The following CSMD1 variants were observed in gnomAD, a reference collection of about 807,000 sequenced individuals.
CSMD1 encodes the protein CUB and Sushi multiple domains 1.
In CSMD1, 213 loss-of-function variants were observed where a neutral mutation model predicts 417.5. The observed-to-expected ratio is 0.51, with a 90% CI of 0.46 to 0.57. The LOEUF is 0.57. Ranked by LOEUF, CSMD1 falls within the 20% of genes least tolerant of loss-of-function variation. The pLI, the probability that CSMD1 is intolerant of heterozygous loss-of-function variation, is 0.00. For missense variants in CSMD1, 6,923 were observed against 4,529.7 expected (o/e 1.53, Z -15.17); for synonymous variants, 2,862 against 1,736.8 (o/e 1.65, Z -16.11).
chr8:3,658,397 C>T (rs942537276), intron 7 of CSMD1, among the ~76,000 whole-genome samples: 1 of 150,256 alleles, frequency 6.7e-6, no homozygotes, highest in South Asian at 2.1e-4. Flanking sequence ...TCATCCCAAT[C>T]TTAAAAGTAA....
At chr8:4,663,344 G>T (rs865821759) in intron 1 of CSMD1, among the ~76,000 whole-genome samples, 2 of 152,128 alleles carry the variant, frequency 1.3e-5, no homozygotes, top group Non-Finnish European at 2.9e-5. Flanking sequence ...GCAAAACTAC[G>T]TAGAATCTAC....
chr8:4,163,325 G>A (rs563006919), intron 3 of CSMD1, among the ~76,000 whole-genome samples: 1 of 152,218 alleles, frequency 6.6e-6, no homozygotes, highest in South Asian at 2.1e-4. Context: ...CTTCCAAAGT[G>A]GCTGTTCCAT....
In CSMD1 at chr8:3,618,977, G is replaced by C. The variant is rs73660393; in HGVS notation, c.1010-2180C>G. Among the ~76,000 whole-genome samples the C allele has an allele frequency of 4.0e-3, 612 of 152,224 alleles. 3 individuals carry two copies. The highest frequency in any genetic ancestry group is 0.014 in the African/African-American group (590 of 41,536). On this transcript the variant is annotated intron_variant, in intron 7 of 69. Transcript: ENST00000635120. Reference sequence around the variant, plus strand: ...CCTGACTTGCAGGTCAGATGAGGAAGGGCGGCATAATTGGGATCTCTGGCT... The same window carrying C: ...CCTGACTTGCAGGTCAGATGAGGAACGGCGGCATAATTGGGATCTCTGGCT...
At chr8:3,479,569 C>T (rs1252842900) in intron 11 of CSMD1, among the ~76,000 whole-genome samples, 11 of 152,188 alleles carry the variant, frequency 7.2e-5, no homozygotes, top group South Asian at 2.1e-4. Flanking sequence ...TGTGAGCCAC[C>T]GCGCCCAGCC....
chr8:3,744,378 G>A lies in CSMD1; in HGVS notation c.931+9552C>T, dbSNP rs116051823. 6.6e-3 allele frequency among the ~76,000 whole-genome samples: 999 copies of A among 152,256 alleles called. 10 individuals are homozygous for A. Among genetic ancestry groups the A allele is most frequent in the Middle Eastern group, 0.034 (10 of 294 alleles). On this transcript the variant is annotated intron_variant, in intron 6 of 69. Transcript: ENST00000635120. The stretch of plus-strand genomic sequence containing the variant: ...TACTAAACAGGGCACAGCAGGACCA[G>A]ATTTGGAACCCAGGTTAATGAATTA...
intron 5 of CSMD1, among the ~76,000 whole-genome samples, chr8:3,951,571 T>C (rs932864370): frequency 2.0e-5 from 3 of 152,026 alleles, no homozygotes; most frequent in African/African-American, 4.8e-5. Context: ...GCCAAAGATA[T>C]GAATCATCAT....
chr8:4,075,343 C>G (rs1020039413), intron 3 of CSMD1, among the ~76,000 whole-genome samples: 1 of 151,898 alleles, frequency 6.6e-6, no homozygotes, highest in African/African-American at 2.4e-5. Context: ...ATATAGAGCT[C>G]TCTAAGATGA....
rs528984602 is a variant in CSMD1, at chr8:3,326,279, G to A, written c.3631+17015C>T. Among the ~76,000 whole-genome samples, 55 of 152,302 alleles carry A rather than the reference G, an allele frequency of 3.6e-4. 2 individuals carry two copies. The South Asian group carries it at 0.01, about 28-fold the overall frequency. The stretch of plus-strand genomic sequence containing the variant: ...ATATGCCCACCTCTACCTCTGATTT[G>A]CTTTTTGACATTGAGTACATCAATT... On this transcript the variant is annotated intron_variant, in intron 23 of 69. Transcript: ENST00000635120.
intron 2 of CSMD1, among the ~76,000 whole-genome samples, chr8:4,628,518 G>A (rs1328349547): frequency 6.6e-6 from 1 of 151,062 alleles, no homozygotes; most frequent in Non-Finnish European, 1.5e-5. Flanking sequence ...AAACTATACA[G>A]AGAGAGAAAG....
chr8:3,671,020 T>G (rs1190999421), intron 7 of CSMD1, among the ~76,000 whole-genome samples: 1 of 91,438 alleles, frequency 1.1e-5, no homozygotes, highest in Non-Finnish European at 2.3e-5. Context: ...TATATGTATA[T>G]GGGATATATG....
intron 5 of CSMD1, among the ~76,000 whole-genome samples, chr8:3,859,745 C>T (rs567053929): frequency 6.6e-6 from 1 of 152,278 alleles, no homozygotes; most frequent in African/African-American, 2.4e-5. Flanking sequence ...GGGCAGTCTT[C>T]CCTGGCTGAC....
At chr8:3,017,805 T>TAAAA (rs1563242099) in intron 52 of CSMD1, among the ~76,000 whole-genome samples, 1 of 121,690 alleles carries the variant, frequency 8.2e-6, no homozygotes, top group Admixed American at 8.6e-5. Context: ...TTTGAGTGAT[T>TAAAA]TAAAAAAAAA....
intron 1 of CSMD1, among the ~76,000 whole-genome samples, chr8:4,661,123 A>T (rs1241397836): frequency 6.6e-6 from 1 of 152,200 alleles, no homozygotes; most frequent in Non-Finnish European, 1.5e-5. Flanking sequence ...CTAGGCATTT[A>T]TCCTAGAAAT....
intron 8 of CSMD1, among the ~76,000 whole-genome samples, chr8:3,604,765 G>C (rs1181434905): frequency 6.6e-6 from 1 of 152,122 alleles, no homozygotes; most frequent in Non-Finnish European, 1.5e-5. Flanking sequence ...GGCATAACCT[G>C]AGTGTGCAGT....
intron 3 of CSMD1, among the ~76,000 whole-genome samples, chr8:4,402,424 C>G (rs1197911798): frequency 4.6e-5 from 7 of 152,140 alleles, no homozygotes. Flanking sequence ...TGCGTTCCTG[C>G]AGCTGAGAGT....
chr8:4,379,676 GGGGAAGAGGGCAATGAAGCAACAATGGC>G (rs71205451), intron 3 of CSMD1, among the ~76,000 whole-genome samples: 60,370 of 151,494 alleles, frequency 0.4, 12,759 homozygotes, highest in East Asian at 0.5. Flanking sequence ...AGTTCTTACA[GGGGAAGAGGGCAATGAAGCAACAATGGC>G]GGGAAGAGGG....
intron 21 of CSMD1, among the ~76,000 whole-genome samples, chr8:3,351,032 G>A (rs1188367941): frequency 6.6e-6 from 1 of 152,100 alleles, no homozygotes; most frequent in Non-Finnish European, 1.5e-5. Flanking sequence ...CATCCTTCTA[G>A]CACTTCCCAA....
chr8:4,253,040 G>C (rs574831979), intron 3 of CSMD1, among the ~76,000 whole-genome samples: 1 of 152,210 alleles, frequency 6.6e-6, no homozygotes, highest in African/African-American at 2.4e-5. Context: ...AATTTTTCAT[G>C]TGCCAACGTC....
intron 48 of CSMD1, among the ~76,000 whole-genome samples, chr8:3,091,280 G>C (rs937957484): frequency 1.3e-5 from 2 of 151,846 alleles, no homozygotes; most frequent in African/African-American, 2.4e-5. Context: ...TCTATAATAT[G>C]AATTTCAGCA....
Sources: gnomAD v4.1 joint callset for allele counts (sites outside exome capture counted in the v4.1 genomes callset) on GRCh38, gnomAD v4.1.1 for gene constraint, MANE v1.5 for transcripts, NCBI Gene and HGNC (gene_info 2026-07-23, HGNC 2026-07-21) for gene names.